The following SIDT1 variants were observed in gnomAD, a reference collection of about 807,000 sequenced individuals.
The protein encoded by SIDT1 is SID1 transmembrane family member 1.
A neutral mutation model predicts 107.5 loss-of-function variants in SIDT1; 101 were observed. The ratio of observed to expected loss-of-function variants is 0.94; its 90% CI spans 0.80 to 1.11. The LOEUF (loss-of-function observed/expected upper bound fraction) is 1.11, where lower values mean the gene tolerates loss of function less well. Among genes scored for constraint, SIDT1 ranks in the 50% least tolerant of loss-of-function variants. The pLI is 0.00. For synonymous variants in SIDT1, 395 were observed against 398.2 expected (o/e 0.99, Z 0.10); for missense variants, 1,076 against 1,058.2 (o/e 1.02, Z -0.23).
chr3:113,597,909 G>C (rs1475256908), intron 10 of SIDT1, among the ~76,000 whole-genome samples: 1 of 152,154 alleles, frequency 6.6e-6, no homozygotes, highest in African/African-American at 2.4e-5. Flanking sequence ...GTTAAATATA[G>C]ATATGGCTTG....
chr3:113,579,935 C>T (rs1301756781), intron 4 of SIDT1, among the ~76,000 whole-genome samples: 1 of 152,154 alleles, frequency 6.6e-6, no homozygotes, highest in Non-Finnish European at 1.5e-5. Context: ...AATAGTACAA[C>T]CTCTTTCAAT....
At chr3:113,577,857 GATTTGTAGC>G (rs1943025094) in intron 4 of SIDT1, among the ~76,000 whole-genome samples, 1 of 152,188 alleles carries the variant, frequency 6.6e-6, no homozygotes, top group African/African-American at 2.4e-5. Context: ...AGAAAGCCCT[GATTTGTAGC>G]ATTTGCCCAT....
At chr3:113,626,253 C>T in intron 24 of SIDT1, 38 bp downstream of exon 24, 2 of 1,356,162 alleles carry the variant, frequency 1.5e-6, no homozygotes, top group Non-Finnish European at 1.1e-6. Flanking sequence ...TTTCTTCTCT[C>T]TTTACATCTT....
At chr3:113,553,232 A>G (rs976617960) in intron 1 of SIDT1, among the ~76,000 whole-genome samples, 1 of 152,184 alleles carries the variant, frequency 6.6e-6, no homozygotes, top group Non-Finnish European at 1.5e-5. Context: ...GTCTTTGAAG[A>G]GGAAGATGTT....
chr3:113,561,349 T>C (rs763041719), intron 1 of SIDT1, among the ~76,000 whole-genome samples: 1 of 152,246 alleles, frequency 6.6e-6, no homozygotes, highest in Non-Finnish European at 1.5e-5. Flanking sequence ...TATGCCAGTA[T>C]CTCTGAGTTT....
downstream of SIDT1, among the ~76,000 whole-genome samples, chr3:113,631,086 GAA>G (rs35237923): frequency 6.6e-6 from 1 of 151,188 alleles, no homozygotes; most frequent in East Asian, 1.9e-4. Context: ...CAACTGAGAT[GAA>G]AAAAAAATGC....
chr3:113,636,136 G>A, the SIDT1 span, among the ~76,000 whole-genome samples: 1 of 152,114 alleles, frequency 6.6e-6, no homozygotes, highest in Admixed American at 6.6e-5. Context: ...CAGGCACAGT[G>A]GCTTAAAGCT....
Position 113,628,971 on chromosome 3 carries a change from G to C in SIDT1, c.*1263G>C, listed in dbSNP as rs1947022031. On this transcript the variant is annotated 3_prime_UTR_variant, in exon 25 of 25. Coordinates refer to ENST00000264852, the MANE Select transcript of SIDT1 (RefSeq NM_017699.3). ...CACACTGTCTGGCAGCTCTGTGTCT[G>C]AGAAGTTCTACATTGACCAGGCCCC... is the stretch of plus-strand genomic sequence containing the variant. The C allele has an allele frequency of 1.3e-5, 2 of 152,242 alleles. No individual in the cohort carries two copies. Among genetic ancestry groups the C allele is most frequent in the Non-Finnish European group, 2.9e-5 (2 of 68,054 alleles). The allele number at this position is 152,242 out of a possible 1,614,324, so 9.4% of individuals were successfully genotyped here.
chr3:113,581,436 A>G lies in SIDT1; in HGVS notation c.739A>G (p.Thr247Ala). The G allele has an allele frequency of 6.2e-7, 1 of 1,612,854 alleles. No individual in the cohort carries two copies. Among genetic ancestry groups the G allele is most frequent in the Non-Finnish European group, 8.5e-7 (1 of 1,178,816 alleles). ...YQSMTKKAAI[T>A]LQKKDFPGEQ... ...GTCCATGACCAAGAAAGCTGCCATC[A>G]CGCTACAGGTGAGGCATTGCTTCTG... The change falls in exon 6 of 25, where the codon ACG (threonine) becomes GCG (alanine). Residue 247 changes from threonine (T) to alanine (A), a missense_variant. Transcript: ENST00000264852.
At chr3:113,600,593 C>T (rs920161264) in intron 10 of SIDT1, among the ~76,000 whole-genome samples, 3 of 152,212 alleles carry the variant, frequency 2.0e-5, no homozygotes, top group Admixed American at 6.5e-5. Context: ...GTAGCAGCAG[C>T]AGTAGCAGCT....
intron 20 of SIDT1, among the ~76,000 whole-genome samples, chr3:113,617,923 C>T (rs756523373): frequency 6.6e-5 from 10 of 152,338 alleles, no homozygotes; most frequent in Non-Finnish European, 1.2e-4. Flanking sequence ...TGAGCCTACA[C>T]TGACACATCA....
chr3:113,545,385 A>C (rs1393578251), intron 1 of SIDT1, among the ~76,000 whole-genome samples: 1 of 152,120 alleles, frequency 6.6e-6, no homozygotes, highest in African/African-American at 2.4e-5. Context: ...TTATATCAGC[A>C]TGGGCATATA....
chr3:113,567,059 T>G (rs1046416655), intron 2 of SIDT1, among the ~76,000 whole-genome samples: 3 of 152,182 alleles, frequency 2.0e-5, no homozygotes, highest in African/African-American at 4.8e-5. Context: ...TAAAAAAAAC[T>G]TGGAAGGCAT....
At chr3:113,624,114 G>A (rs1946678384) in intron 23 of SIDT1, among the ~76,000 whole-genome samples, 1 of 152,144 alleles carries the variant, frequency 6.6e-6, no homozygotes, top group African/African-American at 2.4e-5. Flanking sequence ...AGATAACAGA[G>A]CCGAAGCCTA....
At chr3:113,567,867 C>G in intron 3 of SIDT1, 157 bp downstream of exon 3, 1 of 692,720 alleles carries the variant, frequency 1.4e-6, no homozygotes, top group Non-Finnish European at 2.4e-6. Context: ...AACTGAGCAG[C>G]AGGGCCTTAA....
intron 3 of SIDT1, 144 bp downstream of exon 3, chr3:113,567,854 C>T: frequency 1.3e-6 from 1 of 767,250 alleles, no homozygotes; most frequent in Non-Finnish European, 2.1e-6. Flanking sequence ...CTCTCCTGCC[C>T]ATAACTGAGC....
chr3:113,584,726 G>A lies in SIDT1; in HGVS notation c.864G>A (p.Gln288=), dbSNP rs1327657384. Residue 288 remains glutamine (Q), a synonymous_variant, in exon 8 of 25, where the codon CAG becomes CAA. Transcript: ENST00000264852. The part of the protein sequence containing the change: ...QEKENQTWNL[Q]RKKNLEVTIV... ...AGGAAAACCAGACCTGGAATCTACAGCGAAAAAAGAACCTTGAAGTGACCA... is the reference window on the plus strand; with the variant it reads ...AGGAAAACCAGACCTGGAATCTACAACGAAAAAAGAACCTTGAAGTGACCA... 6.2e-7 allele frequency: 1 copy of A among 1,600,366 alleles called. No homozygotes were observed. The highest frequency in any genetic ancestry group is 8.5e-7 in the Non-Finnish European group (1 of 1,176,056).
intron 3 of SIDT1, among the ~76,000 whole-genome samples, chr3:113,572,420 T>C (rs980213024): frequency 2.0e-5 from 3 of 152,208 alleles, no homozygotes; most frequent in Non-Finnish European, 4.4e-5. Context: ...AAACAGGCAG[T>C]GCCCAACTTT....
chr3:113,604,652 AC>A (rs1945193110), intron 13 of SIDT1, among the ~76,000 whole-genome samples: 1 of 152,240 alleles, frequency 6.6e-6, no homozygotes, highest in African/African-American at 2.4e-5. Context: ...TTGCCTCTGC[AC>A]CCTAACTAAA....
Sources: allele counts gnomAD v4.1 joint callset (sites outside exome capture counted in the v4.1 genomes callset), GRCh38; gene constraint gnomAD v4.1.1; transcripts MANE v1.5; gene names NCBI Gene and HGNC (gene_info 2026-07-23, HGNC 2026-07-21).